The following NR1H4 variants were observed in gnomAD, a reference collection of about 807,000 sequenced individuals.
NR1H4 encodes the protein nuclear receptor subfamily 1 group H member 4.
Under a neutral mutation model 58.5 loss-of-function variants are expected in NR1H4, and 23 were observed. That is an observed-to-expected ratio of 0.39 (90% confidence interval 0.28 to 0.56). The LOEUF (loss-of-function observed/expected upper bound fraction) is 0.56, where lower values mean the gene tolerates loss of function less well. NR1H4 is among the 20% of genes least tolerant of loss of function. NR1H4 has a pLI of 0.58. For missense variants in NR1H4, 487 were observed against 576.9 expected (o/e 0.84, Z 1.60); for synonymous variants, 214 against 198.0 (o/e 1.08, Z -0.68).
intron 3 of NR1H4, among the ~76,000 whole-genome samples, chr12:100,497,312 G>A (rs927121713): frequency 6.6e-5 from 10 of 152,212 alleles, no homozygotes; most frequent in African/African-American, 1.9e-4. Flanking sequence ...TGGGCAGAAA[G>A]CATAGGAACG....
At chr12:100,514,932 A>T (rs555714543) in intron 4 of NR1H4, among the ~76,000 whole-genome samples, 1 of 152,112 alleles carries the variant, frequency 6.6e-6, no homozygotes, top group African/African-American at 2.4e-5. Flanking sequence ...CCAATAAAAT[A>T]ATGAAGTATA....
At chr12:100,515,705 T>G (rs1343379799) in intron 4 of NR1H4, among the ~76,000 whole-genome samples, 1 of 152,190 alleles carries the variant, frequency 6.6e-6, no homozygotes, top group Non-Finnish European at 1.5e-5. Context: ...ATGTCTATTG[T>G]TATTATTGTT....
intron 4 of NR1H4, among the ~76,000 whole-genome samples, chr12:100,513,479 A>G (rs1954175928): frequency 6.6e-6 from 1 of 152,198 alleles, no homozygotes; most frequent in Admixed American, 6.6e-5. Flanking sequence ...ATAAAGCAGG[A>G]AAACATTTCT....
intron 3 of NR1H4, among the ~76,000 whole-genome samples, chr12:100,510,485 C>G (rs917111239): frequency 2.0e-5 from 3 of 151,616 alleles, no homozygotes; most frequent in Admixed American, 1.3e-4. Context: ...TCCTTTATCC[C>G]TTTTTCCATA....
intron 1 of NR1H4, among the ~76,000 whole-genome samples, chr12:100,480,555 T>C (rs978414044): frequency 2.0e-5 from 3 of 152,328 alleles, no homozygotes; most frequent in Admixed American, 2.0e-4. Context: ...AATTTTCTTA[T>C]TGTTCTTCCA....
chr12:100,488,223 CTCCCGACCTCAAGTAA>C (rs994585527), intron 1 of NR1H4, among the ~76,000 whole-genome samples: 2 of 152,136 alleles, frequency 1.3e-5, no homozygotes, highest in Non-Finnish European at 2.9e-5. Context: ...TGGTCTTGAA[CTCCCGACCTCAAGTAA>C]TCCGCCCACC....
chr12:100,550,367 G>T (rs1325431577), intron 9 of NR1H4, among the ~76,000 whole-genome samples: 1 of 151,952 alleles, frequency 6.6e-6, no homozygotes, highest in Admixed American at 6.6e-5. Flanking sequence ...ATTTTGTTTT[G>T]TTTTGATTTT....
intron 1 of NR1H4, among the ~76,000 whole-genome samples, chr12:100,481,199 G>A (rs1386788126): frequency 6.6e-6 from 1 of 151,972 alleles, no homozygotes; most frequent in African/African-American, 2.4e-5. Flanking sequence ...AGCAATTGTG[G>A]TGGCCATCTT....
At chr12:100,499,380 A>T (rs1033779051) in intron 3 of NR1H4, among the ~76,000 whole-genome samples, 1 of 152,164 alleles carries the variant, frequency 6.6e-6, no homozygotes, top group African/African-American at 2.4e-5. Flanking sequence ...TGTCACTGCT[A>T]TTTCTTCTCC....
chr12:100,520,633 T>G (rs928733145), intron 4 of NR1H4, among the ~76,000 whole-genome samples: 2 of 152,160 alleles, frequency 1.3e-5, no homozygotes, highest in African/African-American at 4.8e-5. Flanking sequence ...ATGAATACCC[T>G]GTCCCCTGCC....
chr12:100,527,820 A>G (rs1449425966), intron 4 of NR1H4, among the ~76,000 whole-genome samples: 1 of 152,214 alleles, frequency 6.6e-6, no homozygotes, highest in African/African-American at 2.4e-5. Context: ...TACAAAGGAC[A>G]TGAACTCATC....
intron 9 of NR1H4, among the ~76,000 whole-genome samples, chr12:100,551,961 A>G (rs1161148878): frequency 9.9e-5 from 15 of 152,254 alleles, no homozygotes; most frequent in Admixed American, 9.8e-4. Flanking sequence ...GAATAATGAC[A>G]AGAAAAAAGT....
chr12:100,528,452 C>T (rs1476261638), intron 4 of NR1H4, among the ~76,000 whole-genome samples: 2 of 152,034 alleles, frequency 1.3e-5, no homozygotes, highest in Non-Finnish European at 2.9e-5. Context: ...CATCCTATAG[C>T]TATTTTCTTG....
chr12:100,501,930 T>C (rs371979017), intron 3 of NR1H4, among the ~76,000 whole-genome samples: 1 of 152,138 alleles, frequency 6.6e-6, no homozygotes, highest in African/African-American at 2.4e-5. Context: ...TCTAAAGCCC[T>C]CATTTCTAAA....
chr12:100,499,608 CAG>C (rs1485316091), intron 3 of NR1H4, among the ~76,000 whole-genome samples: 1 of 152,164 alleles, frequency 6.6e-6, no homozygotes, highest in Non-Finnish European at 1.5e-5. Context: ...TGCAATGAGT[CAG>C]AGAGTTGGCC....
At chr12:100,540,465 T>C (rs992679280) in intron 8 of NR1H4, among the ~76,000 whole-genome samples, 1 of 152,176 alleles carries the variant, frequency 6.6e-6, no homozygotes, top group Non-Finnish European at 1.5e-5. Flanking sequence ...GGACTTGACA[T>C]CTCCCTTTGC....
intron 9 of NR1H4, among the ~76,000 whole-genome samples, chr12:100,544,985 G>A (rs538931239): frequency 6.6e-6 from 1 of 152,134 alleles, no homozygotes; most frequent in Non-Finnish European, 1.5e-5. Context: ...TGATTCAGGT[G>A]CCAGACAATG....
chr12:100,527,438 T>C (rs763331535), intron 4 of NR1H4, among the ~76,000 whole-genome samples: 8 of 152,072 alleles, frequency 5.3e-5, no homozygotes, highest in Non-Finnish European at 1.0e-4. Context: ...GAGGCTGAGG[T>C]GAGAGGATCG....
chr12:100,476,518 C>T (rs572309665), intron 1 of NR1H4, among the ~76,000 whole-genome samples: 1 of 152,296 alleles, frequency 6.6e-6, no homozygotes, highest in African/African-American at 2.4e-5. Flanking sequence ...GAGCTCAGAA[C>T]TGCTGTGGCT....
Sources: gnomAD v4.1 joint callset for allele counts (sites outside exome capture counted in the v4.1 genomes callset) on GRCh38, gnomAD v4.1.1 for gene constraint, MANE v1.5 for transcripts, NCBI Gene and HGNC (gene_info 2026-07-23, HGNC 2026-07-21) for gene names.